The following LDLRAD4 variants were observed in gnomAD, a reference collection of about 807,000 sequenced individuals.
LDLRAD4 encodes the protein low-density lipoprotein receptor class A domain-containing protein 4.
A neutral mutation model predicts 17.0 loss-of-function variants in LDLRAD4; 5 were observed. The observed-to-expected ratio is 0.29, with a 90% CI of 0.15 to 0.62. The LOEUF is 0.62. LDLRAD4 is among the 20% of genes least tolerant of loss of function. The pLI is 0.84. For synonymous variants in LDLRAD4, 168 were observed against 171.8 expected (o/e 0.98, Z 0.17); for missense variants, 340 against 424.7 (o/e 0.80, Z 1.75).
chr18:13,493,016 G>A (rs1168403118), intron 3 of LDLRAD4, among the ~76,000 whole-genome samples: 2 of 152,118 alleles, frequency 1.3e-5, no homozygotes, highest in Non-Finnish European at 2.9e-5. Flanking sequence ...CAGTTTGGGA[G>A]GCTGAGGCAG....
chr18:13,283,950 A>G lies in LDLRAD4; in HGVS notation c.-383+5762A>G, dbSNP rs1486687809. Among the ~76,000 whole-genome samples, 7 of 152,310 alleles carry G rather than the reference A, an allele frequency of 4.6e-5. 2 individuals carry two copies. The highest frequency in any genetic ancestry group is 4.6e-4 in the Admixed American group (7 of 15,296). On this transcript the variant is annotated intron_variant, in intron 1 of 5. Transcript: ENST00000359446. Reference sequence around the variant, plus strand: ...GAATGAGGAAGAAGCAAAAGCAGAAACAAACCTATCAGATCTCGTGAGACT... The same window carrying G: ...GAATGAGGAAGAAGCAAAAGCAGAAGCAAACCTATCAGATCTCGTGAGACT...
chr18:13,315,657 G>A (rs528544342), intron 1 of LDLRAD4, among the ~76,000 whole-genome samples: 2 of 141,822 alleles, frequency 1.4e-5, no homozygotes, highest in East Asian at 2.1e-4. Flanking sequence ...GGTGGCACAC[G>A]TCTGTAATCC....
In LDLRAD4 at chr18:13,247,951, G is replaced by A. The variant is rs12969701; in HGVS notation, c.-467+28963G>A. Among the ~76,000 whole-genome samples, 36 of 142,816 alleles carry A rather than the reference G, an allele frequency of 2.5e-4. 1 individual carries two copies. Among genetic ancestry groups the A allele is most frequent in the African/African-American group, 8.1e-4 (31 of 38,060 alleles). The allele number at this position is 142,816 out of a possible 152,430, so 93.7% of individuals were successfully genotyped here. ...AACCTGTCCAACTGCACACAGCGCC[G>A]CCCCCCGCCTTTTTTTTTTTTTTTT... On this transcript the variant is annotated intron_variant, in intron 1 of 5. Transcript: ENST00000399848.
intron 1 of LDLRAD4, among the ~76,000 whole-genome samples, chr18:13,363,417 C>T (rs888160163): frequency 1.3e-5 from 2 of 150,906 alleles, no homozygotes; most frequent in African/African-American, 4.9e-5. Context: ...CGAAGGTCTT[C>T]AGGCTGCGCC....
intron 3 of LDLRAD4, among the ~76,000 whole-genome samples, chr18:13,482,807 T>G (rs1231244988): frequency 1.3e-5 from 2 of 152,238 alleles, no homozygotes; most frequent in Non-Finnish European, 2.9e-5. Context: ...TTATGCAGAT[T>G]AAGTCTCTCA....
intron 1 of LDLRAD4, among the ~76,000 whole-genome samples, chr18:13,267,220 CT>C (rs902909021): frequency 3.3e-5 from 5 of 151,684 alleles, no homozygotes; most frequent in African/African-American, 1.2e-4. Flanking sequence ...GAGTGATACA[CT>C]TTTTTTTTGC....
intron 1 of LDLRAD4, among the ~76,000 whole-genome samples, chr18:13,269,145 G>T (rs60756488): frequency 0.017 from 2,557 of 152,300 alleles, 80 homozygotes; most frequent in African/African-American, 0.059. Context: ...CTTTGAATGC[G>T]AGAGGGCTGA....
chr18:13,562,200 T>C (rs2094548826), intron 3 of LDLRAD4, among the ~76,000 whole-genome samples: 1 of 152,202 alleles, frequency 6.6e-6, no homozygotes, highest in African/African-American at 2.4e-5. Flanking sequence ...ACACCTGCTT[T>C]TATAGGTAGA....
intron 2 of LDLRAD4, among the ~76,000 whole-genome samples, chr18:13,417,256 C>T (rs2088987147): frequency 6.6e-6 from 1 of 152,134 alleles, no homozygotes; most frequent in Non-Finnish European, 1.5e-5. Flanking sequence ...AGTATGTTTG[C>T]ATAAGTTGAT....
intron 1 of LDLRAD4, among the ~76,000 whole-genome samples, chr18:13,364,755 C>T (rs1470293238): frequency 2.0e-5 from 3 of 152,136 alleles, no homozygotes; most frequent in African/African-American, 4.8e-5. Flanking sequence ...CTGAGGCTGG[C>T]GATGCTGTGA....
chr18:13,351,646 A>G (rs1282315460), intron 1 of LDLRAD4, among the ~76,000 whole-genome samples: 2 of 152,186 alleles, frequency 1.3e-5, no homozygotes, highest in Non-Finnish European at 2.9e-5. Context: ...AAAAAAGCCC[A>G]GGACCAGACA....
chr18:13,237,583 A>G (rs1408941871), intron 1 of LDLRAD4, among the ~76,000 whole-genome samples: 1 of 152,212 alleles, frequency 6.6e-6, no homozygotes, highest in Non-Finnish European at 1.5e-5. Context: ...GAAGACATTC[A>G]GGGAACGTGG....
intron 2 of LDLRAD4, among the ~76,000 whole-genome samples, chr18:13,428,861 A>T (rs1334045502): frequency 2.6e-5 from 4 of 152,158 alleles, no homozygotes; most frequent in Non-Finnish European, 5.9e-5. Context: ...TTGGCCTTGG[A>T]CATAGTAAGC....
intron 3 of LDLRAD4, among the ~76,000 whole-genome samples, chr18:13,508,748 A>AT (rs2093733768): frequency 6.6e-6 from 1 of 152,228 alleles, no homozygotes; most frequent in South Asian, 2.1e-4. Context: ...CCTGGTCACC[A>AT]AGAGCTCTGA....
intron 1 of LDLRAD4, among the ~76,000 whole-genome samples, chr18:13,379,440 C>G (rs1362385123): frequency 6.6e-6 from 1 of 152,208 alleles, no homozygotes; most frequent in Non-Finnish European, 1.5e-5. Flanking sequence ...CTGCTGTATT[C>G]TAGTCCCCAT....
intron 3 of LDLRAD4, among the ~76,000 whole-genome samples, chr18:13,454,131 G>T (rs922433266): frequency 3.3e-5 from 5 of 152,252 alleles, no homozygotes; most frequent in African/African-American, 1.2e-4. Flanking sequence ...GCTCTGCGAT[G>T]ATATAAGACC....
intron 3 of LDLRAD4, among the ~76,000 whole-genome samples, chr18:13,449,306 A>G (rs1430095674): frequency 6.6e-6 from 1 of 152,154 alleles, no homozygotes; most frequent in Non-Finnish European, 1.5e-5. Context: ...AGGACCATCC[A>G]CTCAGGGCAG....
chr18:13,248,158 T>C (rs1287705521), intron 1 of LDLRAD4, among the ~76,000 whole-genome samples: 1 of 152,040 alleles, frequency 6.6e-6, no homozygotes, highest in Non-Finnish European at 1.5e-5. Flanking sequence ...ATACACTGTT[T>C]CTCCATGTTG....
At chr18:13,442,049 A>G (rs2091057328) in intron 3 of LDLRAD4, among the ~76,000 whole-genome samples, 1 of 152,212 alleles carries the variant, frequency 6.6e-6, no homozygotes, top group Admixed American at 6.5e-5. Context: ...TGGCTGCTCT[A>G]TCAAAATATT....
Sources: gnomAD v4.1 joint callset for allele counts (sites outside exome capture counted in the v4.1 genomes callset) on GRCh38, gnomAD v4.1.1 for gene constraint, MANE v1.5 for transcripts, NCBI Gene and HGNC (gene_info 2026-07-23, HGNC 2026-07-21) for gene names.